Variants in FHL2 observed in about 807,000 individuals in gnomAD.
FHL2 encodes four and a half LIM domains protein 2.
A neutral mutation model predicts 32.7 loss-of-function variants in FHL2; 20 were observed. The ratio of observed to expected loss-of-function variants is 0.61; its 90% CI spans 0.43 to 0.89. The LOEUF (loss-of-function observed/expected upper bound fraction) is 0.89, where lower values mean the gene tolerates loss of function less well. FHL2 is among the 40% of genes least tolerant of loss of function. The pLI, the probability that FHL2 is intolerant of heterozygous loss-of-function variation, is 0.00. For synonymous variants in FHL2, 123 were observed against 128.1 expected (o/e 0.96, Z 0.27); for missense variants, 311 against 358.6 (o/e 0.87, Z 1.07).
Position 105,417,704 on chromosome 2 carries a change from A to G in FHL2, c.-25+20695T>C, listed in dbSNP as rs1239289971. On this transcript the variant is annotated intron_variant, in intron 1 of 5. Coordinates refer to the FHL2 transcript ENST00000393352. ...ATCTCCAAAAAAAAAAAAAAAAAAA[A>G]GAAAGAAAGAATGAAAAAAAGAGGA... Among the ~76,000 whole-genome samples, 8 of 143,178 alleles carry G rather than the reference A, an allele frequency of 5.6e-5. No individual in the cohort carries two copies. The East Asian group carries it at 1.7e-3, about 30-fold the overall frequency. The allele number at this position is 143,178 out of a possible 152,430, so 93.9% of individuals were successfully genotyped here.
intron 3 of FHL2, among the ~76,000 whole-genome samples, chr2:105,381,501 G>T (rs943475720): frequency 1.3e-5 from 2 of 152,080 alleles, no homozygotes; most frequent in East Asian, 2.0e-4. Flanking sequence ...TCCAGCCTCG[G>T]TGCATGCGAG....
chr2:105,394,422 T>C (rs1225605995), intron 2 of FHL2, among the ~76,000 whole-genome samples: 2 of 151,582 alleles, frequency 1.3e-5, no homozygotes, highest in African/African-American at 4.8e-5. Context: ...AAAAAATTTA[T>C]ATCAGTTGGA....
chr2:105,390,914 A>G (rs559968736), intron 2 of FHL2, among the ~76,000 whole-genome samples: 2 of 151,290 alleles, frequency 1.3e-5, no homozygotes, highest in East Asian at 3.9e-4. Context: ...CTCCTGCCTC[A>G]GCCTCCTGGG....
intron 1 of FHL2, among the ~76,000 whole-genome samples, chr2:105,420,926 A>T (rs1558730847): frequency 6.6e-6 from 1 of 152,140 alleles, no homozygotes; most frequent in Non-Finnish European, 1.5e-5. Flanking sequence ...CAGGCCATGA[A>T]CCAAGTACCG....
upstream of FHL2, among the ~76,000 whole-genome samples, chr2:105,402,181 A>G (rs1483620533): frequency 6.8e-6 from 1 of 146,856 alleles, no homozygotes; most frequent in Non-Finnish European, 1.5e-5. Context: ...ATGTATCTGT[A>G]TGTATATATG....
Position 105,373,520 on chromosome 2 carries a change from C to T in FHL2, c.331+39G>A. On this transcript the variant is annotated intron_variant, in intron 4 of 6. Coordinates refer to ENST00000530340, the MANE Select transcript of FHL2 (RefSeq NM_001318895.3). The stretch of plus-strand genomic sequence containing the variant: ...AGAGGAACGTGCACAAGGCTTGAAG[C>T]TAGACTGGCTCACGCATGAGAAAGG... 4.3e-6 allele frequency: 7 copies of T among 1,612,286 alleles called. No individual in the cohort carries two copies. The East Asian group carries it at 1.6e-4, about 36-fold the overall frequency.
At chr2:105,435,579 T>C (rs1178802472) in intron 1 of FHL2, among the ~76,000 whole-genome samples, 1 of 152,102 alleles carries the variant, frequency 6.6e-6, no homozygotes, top group African/African-American at 2.4e-5. Flanking sequence ...GACAGCACTT[T>C]GGGAGGCTGA....
At chr2:105,381,676 C>A (rs1681898250) in intron 3 of FHL2, among the ~76,000 whole-genome samples, 3 of 152,184 alleles carry the variant, frequency 2.0e-5, no homozygotes, top group Admixed American at 2.0e-4. Context: ...ATTCCCTTCA[C>A]AGACAGATTT....
chr2:105,390,312 A>ATGAATGTCATCATGG (rs1682634997), intron 2 of FHL2: 3 of 152,680 alleles, frequency 2.0e-5, no homozygotes, highest in Non-Finnish European at 4.4e-5. Context: ...GACTGAGGTT[A>ATGAATGTCATCATGG]TGAATGTCAT....
At chr2:105,424,723 G>A (rs1382275796) in intron 1 of FHL2, among the ~76,000 whole-genome samples, 2 of 152,212 alleles carry the variant, frequency 1.3e-5, no homozygotes, top group African/African-American at 2.4e-5. Context: ...CATGTCCTTT[G>A]CAGGGAAATG....
chr2:105,396,580 T>C (rs1165587303), intron 2 of FHL2, 67 bp downstream of exon 2: 2 of 1,409,922 alleles, frequency 1.4e-6, no homozygotes, highest in African/African-American at 2.8e-5. Context: ...CACATGAAAG[T>C]AACCATCACA....
intron 4 of FHL2, 105 bp from the exon 5 acceptor site, chr2:105,367,844 G>C (rs912448348): frequency 4.3e-6 from 5 of 1,165,932 alleles, no homozygotes; most frequent in Non-Finnish European, 4.8e-6. Context: ...TATGACCAGA[G>C]CAAGCCACTT....
chr2:105,382,211 C>T (rs546476443), intron 3 of FHL2, among the ~76,000 whole-genome samples: 1 of 152,282 alleles, frequency 6.6e-6, no homozygotes, highest in South Asian at 2.1e-4. Context: ...CAACTTGAGC[C>T]TCAATTCTGC....
In FHL2 at chr2:105,398,969, C is replaced by T. The variant is rs768538453; in HGVS notation, c.-203G>A. The T allele has an allele frequency of 6.5e-7, 1 of 1,530,888 alleles. No homozygotes were observed. The highest frequency in any genetic ancestry group is 2.1e-5 in the Admixed American group (1 of 47,722). 94.8% of individuals were successfully genotyped at this position (1,530,888 alleles called of 1,614,324 possible). ...GGGCGCAGGGGGTTGGAGGTACTCA[C>T]GGCACCGCAGCGGGCCGGGGACTCC... On this transcript the variant is annotated 5_prime_UTR_variant, in exon 1 of 7. In the 5' UTR this introduces an upstream ATG that the reference lacks. Coordinates refer to ENST00000530340, the MANE Select transcript of FHL2 (RefSeq NM_001318895.3).
downstream of FHL2, chr2:105,357,965 G>A (rs1012935144): frequency 3.9e-5 from 6 of 152,134 alleles, no homozygotes; most frequent in African/African-American, 1.4e-4. Context: ...TTTCAAGTTT[G>A]TTTCACATCT....
At chr2:105,391,136 T>A (rs61370714) in intron 2 of FHL2, among the ~76,000 whole-genome samples, 34,584 of 151,938 alleles carry the variant, frequency 0.23, 4,657 homozygotes, top group East Asian at 0.44. Context: ...ATTTTTTACA[T>A]CCCATAAATA....
At chr2:105,426,032 T>C (rs1423642484) in intron 1 of FHL2, among the ~76,000 whole-genome samples, 1 of 152,172 alleles carries the variant, frequency 6.6e-6, no homozygotes, top group Non-Finnish European at 1.5e-5. Context: ...TACCCACAGG[T>C]GTGGAGGGGC....
At chr2:105,437,133 C>T (rs925936471) in intron 1 of FHL2, among the ~76,000 whole-genome samples, 4 of 152,070 alleles carry the variant, frequency 2.6e-5, no homozygotes, top group Admixed American at 2.0e-4. Context: ...AGTCAGGGAA[C>T]CCCGTATTGG....
At chr2:105,374,067 C>A (rs770423346) in intron 3 of FHL2, 2 of 334,712 alleles carry the variant, frequency 6.0e-6, no homozygotes, top group South Asian at 5.7e-5. Flanking sequence ...CCTATCAATT[C>A]GTCTCACACC....
Sources: gnomAD v4.1 joint callset for allele counts (sites outside exome capture counted in the v4.1 genomes callset) on GRCh38, gnomAD v4.1.1 for gene constraint, MANE v1.5 for transcripts, NCBI Gene and HGNC (gene_info 2026-07-23, HGNC 2026-07-21) for gene names.